The following PDXDC1 variants were observed in gnomAD, a reference collection of about 807,000 sequenced individuals.
PDXDC1 encodes the protein pyridoxal-dependent decarboxylase domain-containing protein 1.
PDXDC1 carries 42 observed loss-of-function variants against 100.1 expected under a neutral mutation model. The ratio of observed to expected loss-of-function variants is 0.42; its 90% CI spans 0.33 to 0.54. PDXDC1 has a LOEUF of 0.54. Among genes scored for constraint, PDXDC1 ranks in the 20% least tolerant of loss-of-function variants. PDXDC1 has a pLI of 0.10. For missense variants in PDXDC1, 636 were observed against 979.2 expected, an observed-to-expected ratio of 0.65 and a Z score of 4.68; for synonymous variants, 260 against 371.7, an observed-to-expected ratio of 0.70 and a Z score of 3.46.
chr16:14,985,777 C>T (rs892580502), intron 1 of PDXDC1, among the ~76,000 whole-genome samples: 1 of 152,282 alleles, frequency 6.6e-6, no homozygotes, highest in Non-Finnish European at 1.5e-5. Flanking sequence ...ATATCCCATA[C>T]TGTCTGATAA....
intron 16 of PDXDC1, among the ~76,000 whole-genome samples, chr16:15,129,688 G>A (rs2047947423): frequency 6.6e-6 from 1 of 152,126 alleles, no homozygotes; most frequent in African/African-American, 2.4e-5. Flanking sequence ...CCTACTTCCA[G>A]CTAGGAGCTG....
chr16:15,089,030 G>C (rs1379787214), intron 16 of PDXDC1, among the ~76,000 whole-genome samples: 2 of 152,166 alleles, frequency 1.3e-5, no homozygotes, highest in African/African-American at 2.4e-5. Flanking sequence ...AGGCCGGGTG[G>C]AGTGGCTCAC....
chr16:15,103,132 TAGATA>T (rs1422252830), intron 16 of PDXDC1: 16 of 530,164 alleles, frequency 3.0e-5, no homozygotes, highest in Non-Finnish European at 3.7e-5. Context: ...AAAAAAATCT[TAGATA>T]AGAGGATGCT....
chr16:15,130,648 A>G lies in PDXDC1; in HGVS notation c.1400-8231A>G, dbSNP rs551116333. ...CGCAGAGCTCACCCCGGGGAAATGAAGAAGGTGTAGGGCCGGTGGTCGGCA... is the reference window on the plus strand; with the variant it reads ...CGCAGAGCTCACCCCGGGGAAATGAGGAAGGTGTAGGGCCGGTGGTCGGCA... On this transcript the variant is annotated intron_variant, in intron 16 of 16. Coordinates refer to the PDXDC1 transcript ENST00000535621. 22 of 1,374,096 alleles carry G rather than the reference A, an allele frequency of 1.6e-5. No homozygotes were observed. In the East Asian group the frequency reaches 3.9e-4, roughly 24 times the overall value. 85.1% of individuals were successfully genotyped at this position (1,374,096 alleles called of 1,614,324 possible).
At chr16:14,998,892 C>T (rs554997124) in intron 3 of PDXDC1, among the ~76,000 whole-genome samples, 2 of 152,404 alleles carry the variant, frequency 1.3e-5, no homozygotes, top group South Asian at 2.1e-4. Context: ...GGTGATATTG[C>T]TGCACCTGCT....
chr16:15,101,705 G>A (rs1030022491), intron 16 of PDXDC1, among the ~76,000 whole-genome samples: 9 of 146,704 alleles, frequency 6.1e-5, no homozygotes, highest in South Asian at 4.5e-4. Context: ...CTGGGGTCTC[G>A]CTTTTGCCCA....
In PDXDC1 at chr16:15,033,366, G is replaced by A. The variant is rs141074257; in HGVS notation, c.1779G>A (p.Ala593=). ...VDAAELVETI[A]ATAREIEENS... ...CTGCTGAGCTCGTGGAGACCATTGC[G>A]GCCACAGCCCGGGAGATAGAGGAGA... is the stretch of plus-strand genomic sequence containing the variant. The change falls in exon 19 of 23, where the codon GCG becomes GCA. Residue 593 remains alanine (A), a synonymous_variant. Transcript: ENST00000396410. The A allele has an allele frequency of 2.5e-4, 397 of 1,614,128 alleles. 1 individual carries two copies. Among genetic ancestry groups the A allele is most frequent in the Admixed American group, 1.4e-3 (85 of 60,032 alleles).
intron 8 of PDXDC1, among the ~76,000 whole-genome samples, chr16:15,010,612 A>G (rs2041181059): frequency 6.6e-6 from 1 of 152,278 alleles, no homozygotes; most frequent in Non-Finnish European, 1.5e-5. Flanking sequence ...TTGCTGCTCC[A>G]TTTATCTCAT....
chr16:15,106,049 GA>G, intron 16 of PDXDC1: 1 of 865,314 alleles, frequency 1.2e-6, no homozygotes, highest in Non-Finnish European at 1.8e-6. Context: ...GCCGTAGGGA[GA>G]AAAATGTATC....
chr16:15,076,547 A>C, intron 16 of PDXDC1: 1 of 1,578,684 alleles, frequency 6.3e-7, no homozygotes, highest in Non-Finnish European at 8.7e-7. Context: ...TTTCATTAAT[A>C]AACTGCTAAC....
At chr16:15,130,623 C>T (rs769493947) in intron 16 of PDXDC1, 23 of 1,363,226 alleles carry the variant, frequency 1.7e-5, no homozygotes, top group Middle Eastern at 2.5e-4. Context: ...CAGGCCGGCC[C>T]GCAGAGCTCA....
downstream of PDXDC1, chr16:15,041,272 C>T (rs2043803193): frequency 1.5e-6 from 1 of 664,894 alleles, no homozygotes; most frequent in Non-Finnish European, 2.7e-6. Flanking sequence ...TGTTTCCCTA[C>T]CCTGTCCCAA....
rs2043554374 is a variant in PDXDC1 at position 15,037,623 on chromosome 16, T to TGAAACATTTCACCCTTGAGA, written c.*1349_*1368dup. On this transcript the variant is annotated 3_prime_UTR_variant, in exon 23 of 23. Transcript: ENST00000396410. ...TTTGGAATTGTTAAATTGGTTTTGC[T>TGAAACATTTCACCCTTGAGA]GAAACATTTCACCCTTGAGATATTA... 1 of 157,184 alleles carries TGAAACATTTCACCCTTGAGA rather than the reference T, an allele frequency of 6.4e-6. No homozygotes were observed. The highest frequency in any genetic ancestry group is 2.4e-5 in the African/African-American group (1 of 41,602). 9.7% of individuals were successfully genotyped at this position (157,184 alleles called of 1,614,324 possible).
chr16:14,978,350 G>A (rs1967173226), intron 1 of PDXDC1, among the ~76,000 whole-genome samples: 1 of 152,276 alleles, frequency 6.6e-6, no homozygotes, highest in Non-Finnish European at 1.5e-5. Flanking sequence ...TAATGATGAA[G>A]ATTTTAAGTT....
In PDXDC1 at chr16:15,094,362, C is replaced by A. The variant is rs570834777; in HGVS notation, c.1400-44517C>A. The A allele has an allele frequency of 1.3e-4, 107 of 825,444 alleles. 1 individual carries two copies. The East Asian group carries it at 1.8e-3, about 14-fold the overall frequency. 51.1% of individuals were successfully genotyped at this position (825,444 alleles called of 1,614,324 possible). On this transcript the variant is annotated intron_variant, in intron 16 of 16. Coordinates refer to the PDXDC1 transcript ENST00000535621. ...AATCAGCGGCCCCGCGTGGGGAGGG[C>A]GTATGCTCTCGGCGGGCTAGAGCGC...
At chr16:15,068,920 A>G (rs79164617) in intron 16 of PDXDC1, among the ~76,000 whole-genome samples, 1 of 152,208 alleles carries the variant, frequency 6.6e-6, no homozygotes, top group African/African-American at 2.4e-5. Context: ...TTTCTTTGAT[A>G]CGTATTTCAA....
chr16:15,095,703 T>C (rs2046330123), intron 16 of PDXDC1, among the ~76,000 whole-genome samples: 1 of 151,376 alleles, frequency 6.6e-6, no homozygotes, highest in African/African-American at 2.4e-5. Context: ...AATACAAAAT[T>C]AGCCAGGCAT....
At chr16:15,028,403 C>T (rs373854146) in intron 14 of PDXDC1, among the ~76,000 whole-genome samples, 2,008 of 151,686 alleles carry the variant, frequency 0.013, 1 homozygote, top group Non-Finnish European at 0.02. Flanking sequence ...ACACTAACAA[C>T]CACATGGAGT....
chr16:15,135,126 A>G lies in PDXDC1; in HGVS notation c.1400-3753A>G, dbSNP rs2048287006. The stretch of plus-strand genomic sequence containing the variant: ...CTGTGGCAGGTTTGGAAGGAAGCAA[A>G]GCTGAAGCAGGCTGTCGTGTTACGT... On this transcript the variant is annotated intron_variant, in intron 16 of 16. Transcript: ENST00000535621. 7 of 671,042 alleles carry G rather than the reference A, an allele frequency of 1.0e-5. No individual in the cohort carries two copies. In the South Asian group the frequency reaches 1.2e-4, roughly 11 times the overall value. 41.6% of individuals were successfully genotyped at this position (671,042 alleles called of 1,614,324 possible).
Sources: allele counts gnomAD v4.1 joint callset (sites outside exome capture counted in the v4.1 genomes callset), GRCh38; gene constraint gnomAD v4.1.1; transcripts MANE v1.5; gene names NCBI Gene and HGNC (gene_info 2026-07-23, HGNC 2026-07-21).